RAP1B: variants seen among roughly 807,000 people sequenced by gnomAD.
RAP1B encodes RAP1B, member of RAS oncogene family, also known as ras-related protein Rap-1b.
A neutral mutation model predicts 27.5 loss-of-function variants in RAP1B; 1 was observed. The ratio of observed to expected loss-of-function variants is 0.04; its 90% confidence interval spans 0.01 to 0.17. RAP1B has a LOEUF of 0.17. RAP1B is among the 10% of genes least tolerant of loss of function. The pLI, the probability that RAP1B is intolerant of heterozygous loss-of-function variation, is 1.00. For missense variants in RAP1B, 84 were observed against 214.8 expected (o/e 0.39, Z 3.81); for synonymous variants, 75 against 73.1 (o/e 1.03, Z -0.13).
chr12:68,627,946 TAA>T (rs879885492), intron 1 of RAP1B, among the ~76,000 whole-genome samples: 2 of 148,844 alleles, frequency 1.3e-5, no homozygotes, highest in Non-Finnish European at 3.0e-5. Context: ...GCAAAAAATT[TAA>T]AAAAAAAAAT....
At chr12:68,628,645 G>A (rs1162421224) in intron 1 of RAP1B, among the ~76,000 whole-genome samples, 2 of 152,064 alleles carry the variant, frequency 1.3e-5, no homozygotes, top group African/African-American at 4.8e-5. Flanking sequence ...CAGAAATAAA[G>A]AGGCCCTGAT....
At chr12:68,619,598 C>G in intron 1 of RAP1B, among the ~76,000 whole-genome samples, 1 of 152,180 alleles carries the variant, frequency 6.6e-6, no homozygotes, top group South Asian at 2.1e-4. Context: ...AGACCAGTAT[C>G]CAGATTTATC....
chr12:68,613,210 C>T (rs968324391), intron 1 of RAP1B, among the ~76,000 whole-genome samples: 15 of 151,760 alleles, frequency 9.9e-5, no homozygotes, highest in Non-Finnish European at 1.9e-4. Context: ...AAATACAAAA[C>T]ATAGCCGGGT....
intron 5 of RAP1B, 128 bp from the exon 6 acceptor site, chr12:68,656,178 A>T: frequency 1.2e-6 from 1 of 801,912 alleles, no homozygotes; most frequent in South Asian, 2.0e-5. Flanking sequence ...AAATTTTATT[A>T]TACATTATTT....
At chr12:68,611,927 A>T (rs1870628858) in intron 1 of RAP1B, among the ~76,000 whole-genome samples, 1 of 152,208 alleles carries the variant, frequency 6.6e-6, no homozygotes, top group Non-Finnish European at 1.5e-5. Flanking sequence ...AAAAACACTG[A>T]TGTCTTTTGG....
At chr12:68,622,799 AATAC>A (rs1209879491) in intron 1 of RAP1B, among the ~76,000 whole-genome samples, 10 of 152,228 alleles carry the variant, frequency 6.6e-5, no homozygotes, top group Non-Finnish European at 1.3e-4. Context: ...TAGTTAGAAA[AATAC>A]ATAAAGTATG....
At chr12:68,647,675 G>A (rs1230279449) in intron 1 of RAP1B, among the ~76,000 whole-genome samples, 1 of 151,612 alleles carries the variant, frequency 6.6e-6, no homozygotes, top group Non-Finnish European at 1.5e-5. Context: ...AAAGACAGGA[G>A]CAGGTTAATG....
chr12:68,632,201 G>C (rs939814233), intron 1 of RAP1B, among the ~76,000 whole-genome samples: 1 of 140,520 alleles, frequency 7.1e-6, no homozygotes, highest in Admixed American at 7.6e-5. Flanking sequence ...ATGCAGCCAC[G>C]GTCTCAGCTC....
chr12:68,617,768 T>C (rs1176371104), intron 1 of RAP1B, among the ~76,000 whole-genome samples: 2 of 150,824 alleles, frequency 1.3e-5, no homozygotes, highest in African/African-American at 2.5e-5. Flanking sequence ...AATACAGTAA[T>C]GTACTATTTT....
At position 68,667,418 on chromosome 12, in the gene RAP1B, A is replaced by G. The variant is rs1223837300; in HGVS notation, c.*8169A>G. 6.6e-6 allele frequency: 1 copy of G among 152,222 alleles called. No homozygotes were observed. The highest frequency in any genetic ancestry group is 2.4e-5 in the African/African-American group (1 of 41,454). The allele number at this position is 152,222 out of a possible 1,614,324, so 9.4% of individuals were successfully genotyped here. A position where few individuals can be genotyped will look rare whatever the true frequency, so the allele number is the denominator to read the frequency against. ...GCCCAGAATTAAATGATAAAAACTC[A>G]TCTGGTTGGAATGAAGTACACTGAA... On this transcript the variant is annotated 3_prime_UTR_variant, in exon 8 of 8. Coordinates refer to ENST00000250559, the MANE Select transcript of RAP1B (RefSeq NM_001010942.3).
chr12:68,612,677 G>C (rs1274616677), intron 1 of RAP1B, among the ~76,000 whole-genome samples: 2 of 152,206 alleles, frequency 1.3e-5, no homozygotes, highest in Non-Finnish European at 2.9e-5. Flanking sequence ...AAAACCACTT[G>C]AGTAGTTTCA....
intron 6 of RAP1B, 21 bp from the exon 7 acceptor site, chr12:68,657,080 A>C (rs776908096): frequency 6.2e-7 from 1 of 1,600,932 alleles, no homozygotes; most frequent in Admixed American, 1.7e-5. Context: ...TGTAAATTAA[A>C]ACAAATTATT....
chr12:68,658,282 T>C (rs1170646590), intron 7 of RAP1B, among the ~76,000 whole-genome samples: 1 of 152,226 alleles, frequency 6.6e-6, no homozygotes, highest in East Asian at 1.9e-4. Flanking sequence ...CCTCTCATTC[T>C]AATATCCTAT....
intron 4 of RAP1B, among the ~76,000 whole-genome samples, chr12:68,652,520 T>C (rs1191141601): frequency 6.6e-6 from 1 of 152,104 alleles, no homozygotes; most frequent in African/African-American, 2.4e-5. Context: ...CGTTGAATCC[T>C]TAATTTTATA....
intron 1 of RAP1B, among the ~76,000 whole-genome samples, chr12:68,626,641 G>A (rs1187385402): frequency 3.9e-5 from 6 of 151,930 alleles, no homozygotes; most frequent in African/African-American, 1.5e-4. Context: ...ACCCTTTTCT[G>A]TATTAAATTG....
rs962584166 is a variant in RAP1B, at chr12:68,627,820, A to G, written c.-27+16777A>G. On this transcript the variant is annotated intron_variant, in intron 1 of 7. Coordinates refer to ENST00000250559, the MANE Select transcript of RAP1B (RefSeq NM_001010942.3). Reference sequence around the variant, plus strand: ...GCTTTATAGAAAATGAAAATGGGCCAGACAGTGGTGACTCATTCCTGAAAT... The same window carrying G: ...GCTTTATAGAAAATGAAAATGGGCCGGACAGTGGTGACTCATTCCTGAAAT... Among the ~76,000 whole-genome samples the G allele has an allele frequency of 7.2e-5, 11 of 152,304 alleles. No individual in the cohort carries two copies. The East Asian group carries it at 9.6e-4, about 13-fold the overall frequency.
At chr12:68,623,626 C>G (rs1231921797) in intron 1 of RAP1B, among the ~76,000 whole-genome samples, 2 of 152,190 alleles carry the variant, frequency 1.3e-5, no homozygotes, top group African/African-American at 4.8e-5. Flanking sequence ...CATCAGTGCT[C>G]AGGTGAAGTT....
chr12:68,624,989 G>C (rs1459554715), intron 1 of RAP1B: 2 of 152,172 alleles, frequency 1.3e-5, no homozygotes, highest in East Asian at 3.8e-4. Flanking sequence ...TAACCACCCA[G>C]ACTTTGGTTC....
chr12:68,635,520 AT>A (rs1872568065), intron 1 of RAP1B, among the ~76,000 whole-genome samples: 1 of 152,066 alleles, frequency 6.6e-6, no homozygotes, highest in South Asian at 2.1e-4. Flanking sequence ...CAGTGGTGCG[AT>A]CTCGGCTCAC....
Sources: gnomAD v4.1 joint callset for allele counts (sites outside exome capture counted in the v4.1 genomes callset) on GRCh38, gnomAD v4.1.1 for gene constraint, MANE v1.5 for transcripts, NCBI Gene and HGNC (gene_info 2026-07-23, HGNC 2026-07-21) for gene names.